The following NCAM2 variants were observed in gnomAD, a reference collection of about 807,000 sequenced individuals.
The protein encoded by NCAM2 is neural cell adhesion molecule 2, also known as N-CAM-2.
Under a neutral mutation model 98.1 loss-of-function variants are expected in NCAM2, and 30 were observed. That is an observed-to-expected ratio of 0.31 (90% CI 0.23 to 0.41). NCAM2 has a LOEUF of 0.41. Among genes scored for constraint, NCAM2 ranks in the 10% least tolerant of loss-of-function variants. NCAM2 has a pLI of 1.00. For missense variants in NCAM2, 867 were observed against 1,005.8 expected, an observed-to-expected ratio of 0.86 and a Z score of 1.87; for synonymous variants, 368 against 342.4, an observed-to-expected ratio of 1.07 and a Z score of -0.83.
At chr21:21,474,902 A>G (rs1158811153) in intron 14 of NCAM2, among the ~76,000 whole-genome samples, 2 of 151,844 alleles carry the variant, frequency 1.3e-5, no homozygotes, top group African/African-American at 2.4e-5. Flanking sequence ...GTGTGTGTAT[A>G]TATATACATA....
chr21:21,387,235 C>A (rs958431349), intron 9 of NCAM2, among the ~76,000 whole-genome samples: 1 of 147,366 alleles, frequency 6.8e-6, no homozygotes, highest in South Asian at 2.2e-4. Context: ...AATCTGGTGT[C>A]CCTTTCTCTT....
At chr21:21,434,273 G>C (rs906832583) in intron 12 of NCAM2, among the ~76,000 whole-genome samples, 2 of 152,180 alleles carry the variant, frequency 1.3e-5, no homozygotes, top group African/African-American at 4.8e-5. Context: ...CAAAATGAGA[G>C]TCAGAAACTT....
rs146245293 is a variant in NCAM2, at chr21:21,404,470, A to G, written c.1196-5804A>G. ...TCTGTCTTGTCTGCAGCCAGGGAAGATGTGCCTTTCACTTCCCCTTCTGCC... is the reference window on the plus strand; with the variant it reads ...TCTGTCTTGTCTGCAGCCAGGGAAGGTGTGCCTTTCACTTCCCCTTCTGCC... On this transcript the variant is annotated intron_variant, in intron 9 of 17. Transcript: ENST00000400546. 1.7e-3 allele frequency among the ~76,000 whole-genome samples: 262 copies of G among 152,204 alleles called. 1 individual carries two copies. Among genetic ancestry groups the G allele is most frequent in the African/African-American group, 6.1e-3 (254 of 41,536 alleles).
At chr21:21,289,579 A>G (rs751821526) in intron 4 of NCAM2, among the ~76,000 whole-genome samples, 17 of 151,948 alleles carry the variant, frequency 1.1e-4, no homozygotes, top group Non-Finnish European at 1.9e-4. Flanking sequence ...GCAGCATGAA[A>G]GCATATTTCT....
rs191641981 is a variant in NCAM2, at chr21:21,258,639, G to C, written c.56-21939G>C. ...GCTGGGGTCAGAGAACCAGGTGGCT[G>C]GCTTGCAGCTGAGCCTGAACTCTCC... is the stretch of plus-strand genomic sequence containing the variant. On this transcript the variant is annotated intron_variant, in intron 1 of 17. Coordinates refer to ENST00000400546, the MANE Select transcript of NCAM2 (RefSeq NM_004540.5). Among the ~76,000 whole-genome samples the C allele has an allele frequency of 1.6e-3, 243 of 152,258 alleles. 5 individuals carry two copies. Among genetic ancestry groups the C allele is most frequent in the Non-Finnish European group, 2.3e-3 (157 of 68,024 alleles).
At chr21:21,370,258 C>T (rs2075885722) in intron 8 of NCAM2, among the ~76,000 whole-genome samples, 1 of 151,842 alleles carries the variant, frequency 6.6e-6, no homozygotes, top group East Asian at 1.9e-4. Flanking sequence ...TCCTCTGATC[C>T]TTATGACCTG....
At chr21:21,504,559 T>G (rs1027367659) in intron 15 of NCAM2, among the ~76,000 whole-genome samples, 1 of 151,880 alleles carries the variant, frequency 6.6e-6, no homozygotes, top group Non-Finnish European at 1.5e-5. Flanking sequence ...TGGTTTTATT[T>G]GTGAAACGTC....
chr21:21,236,925 A>G (rs1384271070), intron 1 of NCAM2, among the ~76,000 whole-genome samples: 1 of 152,318 alleles, frequency 6.6e-6, no homozygotes, highest in Non-Finnish European at 1.5e-5. Flanking sequence ...AGAGTTATGT[A>G]GACAATAGTG....
rs1990235706 is a variant in NCAM2 at position 21,541,631 on chromosome 21, A to G, written c.*3674A>G. 1.3e-5 allele frequency: 2 copies of G among 151,702 alleles called. No individual in the cohort carries two copies. The highest frequency in any genetic ancestry group is 2.4e-5 in the African/African-American group (1 of 41,344). 9.4% of individuals were successfully genotyped at this position (151,702 alleles called of 1,614,324 possible). ...TTATATATATTTTTTATTTCGAATAATAAATCAACCTTTATTTTTGGCAAT... is the reference window on the plus strand; with the variant it reads ...TTATATATATTTTTTATTTCGAATAGTAAATCAACCTTTATTTTTGGCAAT... On this transcript the variant is annotated 3_prime_UTR_variant, in exon 18 of 18. Transcript: ENST00000400546.
intron 12 of NCAM2, among the ~76,000 whole-genome samples, chr21:21,452,509 T>A (rs1190874508): frequency 7.6e-6 from 1 of 131,076 alleles, no homozygotes; most frequent in Non-Finnish European, 1.6e-5. Context: ...ATATAATATA[T>A]AATATATAAA....
intron 9 of NCAM2, among the ~76,000 whole-genome samples, chr21:21,385,149 A>G (rs928986417): frequency 6.6e-6 from 1 of 152,048 alleles, no homozygotes; most frequent in African/African-American, 2.4e-5. Flanking sequence ...TCTAATAAGT[A>G]TATTTTTTGG....
chr21:21,093,427 C>A (rs1044099518), intron 1 of NCAM2, among the ~76,000 whole-genome samples: 1 of 152,050 alleles, frequency 6.6e-6, no homozygotes, highest in African/African-American at 2.4e-5. Flanking sequence ...ACAGCGAGTC[C>A]ATTCATCCGT....
chr21:21,140,248 C>T (rs2067138968), intron 1 of NCAM2, among the ~76,000 whole-genome samples: 2 of 152,052 alleles, frequency 1.3e-5, no homozygotes, highest in African/African-American at 4.8e-5. Flanking sequence ...ATAAGTGACA[C>T]TGGAAATTTA....
At chr21:21,181,674 T>C (rs550493453) in intron 1 of NCAM2, among the ~76,000 whole-genome samples, 1 of 152,288 alleles carries the variant, frequency 6.6e-6, no homozygotes, top group East Asian at 1.9e-4. Context: ...GCAGACACTT[T>C]CAGAACTCAG....
intron 1 of NCAM2, among the ~76,000 whole-genome samples, chr21:21,244,886 T>C (rs2071206455): frequency 2.0e-5 from 3 of 149,060 alleles, no homozygotes; most frequent in Non-Finnish European, 3.0e-5. Context: ...ATTACAGCAC[T>C]TCAATGTGAT....
At chr21:21,529,449 A>G (rs1324623566) in intron 16 of NCAM2, among the ~76,000 whole-genome samples, 2 of 152,124 alleles carry the variant, frequency 1.3e-5, no homozygotes, top group South Asian at 2.1e-4. Flanking sequence ...TATTCTACAT[A>G]GTAGAGTTAA....
chr21:21,447,847 C>A (rs564070822), intron 12 of NCAM2, among the ~76,000 whole-genome samples: 21 of 152,186 alleles, frequency 1.4e-4, no homozygotes, highest in Admixed American at 5.9e-4. Context: ...TAATGAGATA[C>A]CATCTCACAC....
intron 1 of NCAM2, among the ~76,000 whole-genome samples, chr21:21,147,509 A>AAT (rs550648502): frequency 1.7e-4 from 26 of 151,132 alleles, no homozygotes; most frequent in East Asian, 5.9e-4. Flanking sequence ...TACATACACT[A>AAT]ATATATATAT....
chr21:21,069,535 C>A (rs4133199), intron 1 of NCAM2, among the ~76,000 whole-genome samples: 5,393 of 152,238 alleles, frequency 0.035, 131 homozygotes, highest in East Asian at 0.1. Context: ...CAGGTAAGTT[C>A]TAATACCTGG....
Sources: gnomAD v4.1 joint callset for allele counts (sites outside exome capture counted in the v4.1 genomes callset) on GRCh38, gnomAD v4.1.1 for gene constraint, MANE v1.5 for transcripts, NCBI Gene and HGNC (gene_info 2026-07-23, HGNC 2026-07-21) for gene names.